The following THSD4 variants were observed in gnomAD, a reference collection of about 807,000 sequenced individuals.
THSD4 encodes thrombospondin type-1 domain-containing protein 4.
Under a neutral mutation model 119.0 loss-of-function variants are expected in THSD4, and 69 were observed. The observed-to-expected ratio is 0.58, with a 90% CI of 0.48 to 0.71. THSD4 has a LOEUF of 0.71. Ranked by LOEUF, THSD4 falls within the 30% of genes least tolerant of loss-of-function variation. The pLI, the probability that THSD4 is intolerant of heterozygous loss-of-function variation, is 0.00. For missense variants in THSD4, 1,393 were observed against 1,391.1 expected, an observed-to-expected ratio of 1.00 and a Z score of -0.02; for synonymous variants, 524 against 540.4, an observed-to-expected ratio of 0.97 and a Z score of 0.42.
chr15:71,602,178 G>A (rs964601038), intron 7 of THSD4, among the ~76,000 whole-genome samples: 2 of 152,046 alleles, frequency 1.3e-5, no homozygotes, highest in South Asian at 2.1e-4. Context: ...TTGAGACACT[G>A]AAGGAGCCAA....
At chr15:71,372,966 C>G (rs780634280) in intron 6 of THSD4, among the ~76,000 whole-genome samples, 7 of 152,256 alleles carry the variant, frequency 4.6e-5, no homozygotes, top group Non-Finnish European at 1.0e-4. Flanking sequence ...CTACTCAAGC[C>G]TCAGCAATGG....
intron 6 of THSD4, among the ~76,000 whole-genome samples, chr15:71,297,312 C>T (rs1289685992): frequency 1.3e-4 from 9 of 70,586 alleles, no homozygotes; most frequent in Admixed American, 5.7e-4. Flanking sequence ...TTGCTCTCCT[C>T]TTCTTTTTTT....
At chr15:71,511,809 T>TC (rs2048287767) in intron 7 of THSD4, among the ~76,000 whole-genome samples, 1 of 152,242 alleles carries the variant, frequency 6.6e-6, no homozygotes, top group African/African-American at 2.4e-5. Flanking sequence ...GCAAGTTATT[T>TC]CACCTCTCAG....
At chr15:71,284,031 C>A (rs1410890353) in intron 6 of THSD4, among the ~76,000 whole-genome samples, 1 of 152,142 alleles carries the variant, frequency 6.6e-6, no homozygotes, top group Non-Finnish European at 1.5e-5. Context: ...CCATCATATT[C>A]TACTTAAACA....
chr15:71,747,514 A>G (rs796879550), intron 13 of THSD4, among the ~76,000 whole-genome samples: 6 of 152,356 alleles, frequency 3.9e-5, no homozygotes, highest in African/African-American at 1.4e-4. Flanking sequence ...AACGTTGGAC[A>G]TGTTCCAAAG....
At chr15:71,634,996 T>A (rs1019801801) in intron 7 of THSD4, among the ~76,000 whole-genome samples, 1 of 152,220 alleles carries the variant, frequency 6.6e-6, no homozygotes, top group African/African-American at 2.4e-5. Flanking sequence ...AAAAGCCTGA[T>A]CCCATTAAGA....
intron 7 of THSD4, among the ~76,000 whole-genome samples, chr15:71,596,583 A>G (rs190121628): frequency 6.6e-6 from 1 of 152,280 alleles, no homozygotes; most frequent in East Asian, 1.9e-4. Context: ...CTATCTAGTT[A>G]CTCCAGATTG....
intron 6 of THSD4, among the ~76,000 whole-genome samples, chr15:71,266,301 T>A (rs1358727789): frequency 2.0e-5 from 3 of 152,310 alleles, no homozygotes; most frequent in Middle Eastern, 3.4e-3. Context: ...CCTCTGCTGG[T>A]GATACCTAGG....
At chr15:71,520,131 G>T (rs2048418523) in intron 7 of THSD4, among the ~76,000 whole-genome samples, 1 of 152,184 alleles carries the variant, frequency 6.6e-6, no homozygotes, top group African/African-American at 2.4e-5. Context: ...CTGACAGGGA[G>T]TTAAGAAACT....
At chr15:71,443,857 C>T (rs184266126) in intron 7 of THSD4, among the ~76,000 whole-genome samples, 1 of 152,326 alleles carries the variant, frequency 6.6e-6, no homozygotes, top group East Asian at 1.9e-4. Context: ...AACAAATACT[C>T]TTCAAATGCT....
At chr15:71,599,728 G>A (rs1034535005) in intron 7 of THSD4, among the ~76,000 whole-genome samples, 4 of 152,180 alleles carry the variant, frequency 2.6e-5, no homozygotes, top group Non-Finnish European at 5.9e-5. Flanking sequence ...CCGCTCAGCC[G>A]CTCCAGTGGA....
chr15:71,210,437 C>A (rs1009074462), intron 3 of THSD4, among the ~76,000 whole-genome samples: 2 of 152,050 alleles, frequency 1.3e-5, no homozygotes, highest in Non-Finnish European at 2.9e-5. Flanking sequence ...GGATGTGATC[C>A]CCAGGGCAAC....
At chr15:71,101,015 A>T (rs1567126569) in intron 1 of THSD4, among the ~76,000 whole-genome samples, 1 of 151,898 alleles carries the variant, frequency 6.6e-6, no homozygotes, top group East Asian at 1.9e-4. Flanking sequence ...AAGTAAAATA[A>T]AAAATAAAAT....
intron 6 of THSD4, among the ~76,000 whole-genome samples, chr15:71,365,906 A>G (rs74021967): frequency 6.6e-6 from 1 of 152,174 alleles, no homozygotes; most frequent in Admixed American, 6.5e-5. Context: ...GTCAGTTACT[A>G]AAAGTATCCA....
chr15:71,575,280 A>G (rs1170141037), intron 7 of THSD4, among the ~76,000 whole-genome samples: 1 of 152,210 alleles, frequency 6.6e-6, no homozygotes, highest in Admixed American at 6.5e-5. Flanking sequence ...ACCAGCAAAT[A>G]CAAAGACCAT....
chr15:71,286,038 T>G (rs2044713561), intron 6 of THSD4, among the ~76,000 whole-genome samples: 1 of 152,100 alleles, frequency 6.6e-6, no homozygotes, highest in South Asian at 2.1e-4. Context: ...TGATAAACAC[T>G]TTATTTGATG....
intron 7 of THSD4, among the ~76,000 whole-genome samples, chr15:71,542,116 T>G (rs912456238): frequency 2.0e-5 from 3 of 152,166 alleles, no homozygotes; most frequent in African/African-American, 7.2e-5. Flanking sequence ...ACTGCTGAAT[T>G]CTGGTTAAAT....
intron 6 of THSD4, among the ~76,000 whole-genome samples, chr15:71,297,629 C>T (rs908883698): frequency 8.5e-5 from 13 of 152,180 alleles, no homozygotes; most frequent in Admixed American, 3.9e-4. Context: ...CTACCACGCT[C>T]GGCCTTTTCC....
chr15:71,130,228 C>T (rs1596213491), intron 1 of THSD4, among the ~76,000 whole-genome samples: 1 of 152,268 alleles, frequency 6.6e-6, no homozygotes, highest in East Asian at 1.9e-4. Flanking sequence ...CTCTGTTGAC[C>T]AGGCTCGAGT....
Sources: allele counts gnomAD v4.1 joint callset (sites outside exome capture counted in the v4.1 genomes callset), GRCh38; gene constraint gnomAD v4.1.1; transcripts MANE v1.5; gene names NCBI Gene and HGNC (gene_info 2026-07-23, HGNC 2026-07-21).